TINAG: variants seen among roughly 807,000 people sequenced by gnomAD.
The protein encoded by TINAG is tubulointerstitial nephritis antigen.
TINAG carries 83 observed loss-of-function variants against 72.7 expected under a neutral mutation model. That is an observed-to-expected ratio of 1.14 (90% CI 0.96 to 1.37). The LOEUF (loss-of-function observed/expected upper bound fraction) is 1.37, where lower values mean the gene tolerates loss of function less well. TINAG is among the 40% of genes most tolerant of loss of function. TINAG has a pLI of 0.00. For synonymous variants in TINAG, 234 were observed against 189.9 expected, an observed-to-expected ratio of 1.23 and a Z score of -1.91; for missense variants, 685 against 576.6, an observed-to-expected ratio of 1.19 and a Z score of -1.93.
At chr6:54,316,528 T>C (rs990104926) in intron 1 of TINAG, among the ~76,000 whole-genome samples, 4 of 152,182 alleles carry the variant, frequency 2.6e-5, no homozygotes, top group Non-Finnish European at 4.4e-5. Context: ...TGAATGCCAC[T>C]GAACAACCCT....
intron 3 of TINAG, among the ~76,000 whole-genome samples, chr6:54,326,395 T>C (rs966689593): frequency 6.6e-6 from 1 of 152,016 alleles, no homozygotes; most frequent in Admixed American, 6.6e-5. Flanking sequence ...TTTTACCTTG[T>C]CAATTTCTTT....
At chr6:54,364,998 T>A (rs1180144690) in intron 9 of TINAG, among the ~76,000 whole-genome samples, 1 of 151,594 alleles carries the variant, frequency 6.6e-6, no homozygotes, top group Non-Finnish European at 1.5e-5. Flanking sequence ...TCTCCATTTA[T>A]CTTTTCTTTT....
chr6:54,356,307 A>G (rs9464060), intron 9 of TINAG, among the ~76,000 whole-genome samples: 4,343 of 151,820 alleles, frequency 0.029, 213 homozygotes, highest in African/African-American at 0.1. Context: ...GGGCAAGGCG[A>G]GTGGATTGCT....
rs143796708 is a variant in TINAG at position 54,373,724 on chromosome 6, C to T, written c.1251-6802C>T. Among the ~76,000 whole-genome samples the T allele has an allele frequency of 4.2e-4, 64 of 152,118 alleles. No homozygotes were observed. The East Asian group carries it at 0.01, about 25-fold the overall frequency. On this transcript the variant is annotated intron_variant, in intron 9 of 10. Coordinates refer to ENST00000259782, the MANE Select transcript of TINAG (RefSeq NM_014464.4). ...ATTTTATTAACAAAAACAGGCATCC[C>T]AGGCTAGATTTTGCCTGTAAACCAT... is the stretch of plus-strand genomic sequence containing the variant.
In TINAG at chr6:54,381,789, G is replaced by GT. The variant is rs1284691790; in HGVS notation, c.1296+1224dup. ...GATTTTTATTAAATAAATTTGAACAGTTTTTTAATCTCATAACGATGTAAT... is the reference window on the plus strand; with the variant it reads ...GATTTTTATTAAATAAATTTGAACAGTTTTTTTAATCTCATAACGATGTAAT... On this transcript the variant is annotated intron_variant, in intron 10 of 10. Coordinates refer to ENST00000259782, the MANE Select transcript of TINAG (RefSeq NM_014464.4). 2.0e-5 allele frequency among the ~76,000 whole-genome samples: 3 copies of GT among 152,146 alleles called. No individual in the cohort carries two copies. The South Asian group carries it at 6.2e-4, about 32-fold the overall frequency.
chr6:54,382,225 CA>C (rs1178210124), intron 10 of TINAG, among the ~76,000 whole-genome samples: 1 of 152,028 alleles, frequency 6.6e-6, no homozygotes, highest in Non-Finnish European at 1.5e-5. Context: ...TGAATGCAAG[CA>C]GTAGAAATAC....
At chr6:54,340,410 T>A (rs879132609) in intron 4 of TINAG, among the ~76,000 whole-genome samples, 1 of 149,262 alleles carries the variant, frequency 6.7e-6, no homozygotes, top group Admixed American at 6.7e-5. Flanking sequence ...AAAAAAAAAA[T>A]TAAAAACAAA....
rs560408393 is a variant in TINAG at position 54,384,964 on chromosome 6, A to C, written c.1296+4393A>C. Among the ~76,000 whole-genome samples, 17 of 152,280 alleles carry C rather than the reference A, an allele frequency of 1.1e-4. No individual in the cohort carries two copies. The South Asian group carries it at 3.5e-3, about 32-fold the overall frequency. On this transcript the variant is annotated intron_variant, in intron 10 of 10. Transcript: ENST00000259782. ...TAGGGCATGTTCAATAAATTTAAAA[A>C]ATTGAAATTGTACAGAATATACCAT... is the stretch of plus-strand genomic sequence containing the variant.
At chr6:54,352,354 C>A (rs749887628) in intron 8 of TINAG, among the ~76,000 whole-genome samples, 54 of 151,714 alleles carry the variant, frequency 3.6e-4, no homozygotes, top group Non-Finnish European at 7.1e-4. Flanking sequence ...TTTTATTGAT[C>A]ATTATCACCA....
intron 4 of TINAG, among the ~76,000 whole-genome samples, chr6:54,328,447 G>A (rs549536385): frequency 7.2e-5 from 11 of 152,048 alleles, no homozygotes; most frequent in Non-Finnish European, 5.9e-5. Context: ...GGACACCCAC[G>A]CAAAAACCCC....
Position 54,389,922 on chromosome 6 carries a change from A to G in TINAG, c.1428A>G (p.Pro476=). 2 of 1,608,290 alleles carry G rather than the reference A, an allele frequency of 1.2e-6. No individual in the cohort carries two copies. The highest frequency in any genetic ancestry group is 1.7e-6 in the Non-Finnish European group (2 of 1,178,092). Residue 476 remains proline (P), a synonymous_variant, in exon 11 of 11, where the codon CCA becomes CCG. Transcript: ENST00000259782. ...GCCAACTGACGAGTTCTGATGAACC[A>G]TAACATATCATTAAATTTCCATAAG... is the stretch of plus-strand genomic sequence containing the variant. The part of the protein sequence containing the change: ...AWGQLTSSDE[P]
At position 54,380,586 on chromosome 6, in the gene TINAG, C is replaced by A; in HGVS notation, c.1296+15C>A. 4 of 1,605,222 alleles carry A rather than the reference C, an allele frequency of 2.5e-6. No homozygotes were observed. The highest frequency in any genetic ancestry group is 3.4e-6 in the Non-Finnish European group (4 of 1,173,492). ...AAAAATTTTGGGTATGTAACTCTTT[C>A]CAGTTGAATTCCTGCTGTGAAGTGA... On this transcript the variant is annotated intron_variant, in intron 10 of 10. Coordinates refer to ENST00000259782, the MANE Select transcript of TINAG (RefSeq NM_014464.4).
rs1785263494 is a variant in TINAG at position 54,351,399 on chromosome 6, TAAG to T, written c.1126+3_1126+5del. 10 of 1,609,922 alleles carry T rather than the reference TAAG, an allele frequency of 6.2e-6. No individual in the cohort carries two copies. The highest frequency in any genetic ancestry group is 8.5e-6 in the Non-Finnish European group (10 of 1,177,556). ...TCATGCAAAATGGACCAGTTCAAGG[TAAG>T]CTTGAATGAAATACGGTTTTTTCTT... On this transcript the variant is annotated splice_donor_5th_base_variant and intron_variant, in intron 8 of 10. Coordinates refer to ENST00000259782, the MANE Select transcript of TINAG (RefSeq NM_014464.4).
At chr6:54,357,629 T>C (rs1306457726) in intron 9 of TINAG, among the ~76,000 whole-genome samples, 1 of 151,920 alleles carries the variant, frequency 6.6e-6, no homozygotes, top group Admixed American at 6.6e-5. Flanking sequence ...TACTTCACAA[T>C]TTACTTTCAA....
chr6:54,323,770 A>G (rs754301331), intron 3 of TINAG, among the ~76,000 whole-genome samples: 15 of 152,318 alleles, frequency 9.8e-5, no homozygotes, highest in Admixed American at 5.9e-4. Flanking sequence ...CCTGGCCAAC[A>G]TGGTGAAACC....
At chr6:54,333,994 A>G (rs1431727714) in intron 4 of TINAG, among the ~76,000 whole-genome samples, 1 of 152,130 alleles carries the variant, frequency 6.6e-6, no homozygotes, top group East Asian at 1.9e-4. Context: ...TAGCATTCTT[A>G]TGCTTTGAAC....
chr6:54,386,080 C>T (rs539461627), intron 10 of TINAG, among the ~76,000 whole-genome samples: 20 of 151,764 alleles, frequency 1.3e-4, no homozygotes, highest in Admixed American at 5.9e-4. Context: ...TTGGTAGAGA[C>T]GGGTTTCGCC....
chr6:54,323,327 G>A (rs1784534126), intron 3 of TINAG, among the ~76,000 whole-genome samples: 1 of 151,776 alleles, frequency 6.6e-6, no homozygotes, highest in African/African-American at 2.4e-5. Flanking sequence ...ATTTACCAGG[G>A]CAAAAAAGGG....
At chr6:54,328,122 G>A (rs911390649) in intron 4 of TINAG, among the ~76,000 whole-genome samples, 5 of 152,132 alleles carry the variant, frequency 3.3e-5, no homozygotes, top group Non-Finnish European at 7.3e-5. Flanking sequence ...CTCTGTTAAA[G>A]GACAGACTGC....
Sources: allele counts gnomAD v4.1 joint callset (sites outside exome capture counted in the v4.1 genomes callset), GRCh38; gene constraint gnomAD v4.1.1; transcripts MANE v1.5; gene names NCBI Gene and HGNC (gene_info 2026-07-23, HGNC 2026-07-21).